The following DNAAF4 variants were observed in gnomAD, a reference collection of about 807,000 sequenced individuals.
DNAAF4 encodes dynein axonemal assembly factor 4, also known as dynein assembly factor 4, axonemal.
In DNAAF4, 43 loss-of-function variants were observed where a neutral mutation model predicts 51.8. That is an observed-to-expected ratio of 0.83 (90% CI 0.65 to 1.07). The LOEUF (loss-of-function observed/expected upper bound fraction) is 1.07, where lower values mean the gene tolerates loss of function less well. Among genes scored for constraint, DNAAF4 ranks in the 50% least tolerant of loss-of-function variants. The pLI is 0.00. For synonymous variants in DNAAF4, 194 were observed against 165.6 expected (o/e 1.17, Z -1.32); for missense variants, 581 against 493.0 (o/e 1.18, Z -1.69).
At chr15:55,418,403 G>A (rs1195278591) in intron 7 of DNAAF4, 11 of 1,532,308 alleles carry the variant, frequency 7.2e-6, no homozygotes, top group South Asian at 1.2e-5. Context: ...AAGTCATTAT[G>A]GTGAATTTCT....
chr15:55,434,669 C>T lies in DNAAF4; in HGVS notation c.1047+236G>A, dbSNP rs183923081. ...GCAATATAGCGAGACCCACTGCGCCCGGCCAGTAACAGCTGATTTTTAATC... is the reference window on the plus strand; with the variant it reads ...GCAATATAGCGAGACCCACTGCGCCTGGCCAGTAACAGCTGATTTTTAATC... On this transcript the variant is annotated intron_variant, in intron 8 of 9. Coordinates refer to ENST00000321149, the MANE Select transcript of DNAAF4 (RefSeq NM_130810.4). Among the ~76,000 whole-genome samples, 182 of 151,638 alleles carry T rather than the reference C, an allele frequency of 1.2e-3. 1 individual carries two copies. The highest frequency in any genetic ancestry group is 3.2e-3 in the Admixed American group (49 of 15,178).
chr15:55,469,571 C>A (rs1300713664), intron 4 of DNAAF4, among the ~76,000 whole-genome samples: 1 of 148,826 alleles, frequency 6.7e-6, no homozygotes, highest in Non-Finnish European at 1.5e-5. Flanking sequence ...CAAGCTCCGC[C>A]TCCTGGGTTC....
Position 55,491,114 on chromosome 15 carries a change from G to T in DNAAF4, c.405+9C>A, listed in dbSNP as rs767771520. 1.2e-6 allele frequency: 2 copies of T among 1,613,816 alleles called. No individual in the cohort carries two copies. Among genetic ancestry groups the T allele is most frequent in the Non-Finnish European group, 8.5e-7 (1 of 1,180,000 alleles). ...CTTTAGAGGACTTGCCTGTCATTCT[G>T]CAACTTACCTTCATCATGACACTTA... On this transcript the variant is annotated intron_variant, in intron 4 of 9. Coordinates refer to ENST00000321149, the MANE Select transcript of DNAAF4 (RefSeq NM_130810.4).
At chr15:55,491,642 T>C (rs1214079077) in intron 3 of DNAAF4, among the ~76,000 whole-genome samples, 1 of 142,504 alleles carries the variant, frequency 7.0e-6, no homozygotes, top group South Asian at 2.1e-4. Context: ...ATATAATATA[T>C]AAAATATAAA....
At chr15:55,484,767 T>C (rs750142271) in intron 4 of DNAAF4, among the ~76,000 whole-genome samples, 14 of 152,138 alleles carry the variant, frequency 9.2e-5, no homozygotes, top group East Asian at 1.9e-4. Context: ...ACTGAAGAAC[T>C]TGAAGTCCCA....
At chr15:55,459,192 G>A (rs910509900) in intron 5 of DNAAF4, among the ~76,000 whole-genome samples, 3 of 152,024 alleles carry the variant, frequency 2.0e-5, no homozygotes, top group Non-Finnish European at 4.4e-5. Flanking sequence ...AGGGATGGGG[G>A]TCCTATCTTT....
chr15:55,428,126 G>A (rs1323821536), downstream of DNAAF4, among the ~76,000 whole-genome samples: 1 of 151,670 alleles, frequency 6.6e-6, no homozygotes, highest in Non-Finnish European at 1.5e-5. Flanking sequence ...GCTAATTTTT[G>A]TATTTTTAGT....
intron 5 of DNAAF4, among the ~76,000 whole-genome samples, chr15:55,464,715 C>T (rs190143761): frequency 1.3e-5 from 2 of 152,270 alleles, no homozygotes; most frequent in East Asian, 3.9e-4. Context: ...TGCCTGTAAT[C>T]CCATCACTTT....
chr15:55,481,703 T>C (rs570449502), intron 4 of DNAAF4, among the ~76,000 whole-genome samples: 1 of 152,274 alleles, frequency 6.6e-6, no homozygotes, highest in South Asian at 2.1e-4. Flanking sequence ...AAAGATTTAT[T>C]GGGATCAAGT....
chr15:55,464,267 C>T (rs1338026115), intron 5 of DNAAF4, among the ~76,000 whole-genome samples: 1 of 152,144 alleles, frequency 6.6e-6, no homozygotes, highest in Non-Finnish European at 1.5e-5. Context: ...GGGTATGAAA[C>T]TGGATCCTCA....
intron 6 of DNAAF4, among the ~76,000 whole-genome samples, chr15:55,445,032 CTTTT>C (rs35988188): frequency 2.8e-5 from 3 of 109,042 alleles, no homozygotes; most frequent in South Asian, 3.3e-4. Context: ...ATTGAATACC[CTTTT>C]TTTTTTTTTT....
intron 7 of DNAAF4, among the ~76,000 whole-genome samples, chr15:55,422,525 GA>G (rs1311082698): frequency 6.6e-6 from 1 of 152,156 alleles, no homozygotes; most frequent in Non-Finnish European, 1.5e-5. Context: ...ATGAGACCAA[GA>G]AGGAGTGACT....
intron 5 of DNAAF4, among the ~76,000 whole-genome samples, chr15:55,454,934 C>G (rs1363215244): frequency 1.6e-4 from 24 of 151,210 alleles, no homozygotes; most frequent in Admixed American, 1.6e-3. Context: ...GGGTGAGATC[C>G]TGTCTCAAAA....
intron 5 of DNAAF4, among the ~76,000 whole-genome samples, chr15:55,450,615 C>T (rs1477657589): frequency 6.6e-6 from 1 of 152,188 alleles, no homozygotes; most frequent in Non-Finnish European, 1.5e-5. Flanking sequence ...GTTTAATTCA[C>T]ATCAACTCTA....
rs531543335 is a variant in DNAAF4, at chr15:55,438,103, G to C, written c.893+1369C>G. ...AAAATATTCACGGCCGGGTGCAGTG[G>C]CTCACACCCGTAATCCCAGCACTTT... On this transcript the variant is annotated intron_variant, in intron 7 of 9. Coordinates refer to ENST00000321149, the MANE Select transcript of DNAAF4 (RefSeq NM_130810.4). Among the ~76,000 whole-genome samples the C allele has an allele frequency of 2.6e-5, 4 of 152,228 alleles. No homozygotes were observed. In the South Asian group the frequency reaches 6.2e-4, roughly 24 times the overall value.
intron 3 of DNAAF4, among the ~76,000 whole-genome samples, chr15:55,496,121 T>G (rs556109483): frequency 2.9e-3 from 439 of 152,232 alleles, no homozygotes; most frequent in Non-Finnish European, 4.8e-3. Flanking sequence ...TCCCAGCTAC[T>G]TGGGAGGCTG....
At chr15:55,507,717 C>T (rs939985930) in intron 1 of DNAAF4, among the ~76,000 whole-genome samples, 7 of 152,128 alleles carry the variant, frequency 4.6e-5, no homozygotes, top group African/African-American at 1.7e-4. Context: ...CCGGGATGCA[C>T]ATTGTGTCTC....
At chr15:55,422,549 G>A (rs1369331816) in intron 7 of DNAAF4, among the ~76,000 whole-genome samples, 1 of 152,108 alleles carries the variant, frequency 6.6e-6, no homozygotes, top group African/African-American at 2.4e-5. Flanking sequence ...TGAAGAAAGA[G>A]GAAATTAGAA....
chr15:55,507,210 G>A (rs541621381), intron 1 of DNAAF4, among the ~76,000 whole-genome samples: 56 of 152,148 alleles, frequency 3.7e-4, no homozygotes, highest in African/African-American at 1.3e-3. Flanking sequence ...CTAGGTATGT[G>A]GTAAAACTAT....
Sources: gnomAD v4.1 joint callset for allele counts (sites outside exome capture counted in the v4.1 genomes callset) on GRCh38, gnomAD v4.1.1 for gene constraint, MANE v1.5 for transcripts, NCBI Gene and HGNC (gene_info 2026-07-23, HGNC 2026-07-21) for gene names.